Variants in BLTP3A observed in about 807,000 individuals in gnomAD.
BLTP3A encodes the protein ICBP90 binding protein 1.
chr6:34,855,132 C>A, the BLTP3A span, among the ~76,000 whole-genome samples: 49 of 152,166 alleles, frequency 3.2e-4, no homozygotes, highest in African/African-American at 1.0e-3. Context: ...GTACTTTGTA[C>A]GTATAGTATA....
chr6:34,852,615 A>G, the BLTP3A span, among the ~76,000 whole-genome samples: 1 of 145,500 alleles, frequency 6.9e-6, no homozygotes. Flanking sequence ...CCAGAGCTGC[A>G]AACTGTGCTG....
At chr6:34,837,263 C>G in the BLTP3A span, among the ~76,000 whole-genome samples, 1 of 152,126 alleles carries the variant, frequency 6.6e-6, no homozygotes. Context: ...ATTCACTGGC[C>G]AGGCACAGTG....
chr6:34,864,163 A>T, the BLTP3A span: 1 of 1,614,046 alleles, frequency 6.2e-7, no homozygotes, highest in Non-Finnish European at 8.5e-7. Context: ...GTGGACAGTG[A>T]TGGCAGTGAT....
chr6:34,828,643 A>G, the BLTP3A span, among the ~76,000 whole-genome samples: 1 of 152,076 alleles, frequency 6.6e-6, no homozygotes, highest in Non-Finnish European at 1.5e-5. Context: ...GCTGTTAAAC[A>G]TGGTTCAGCA....
chr6:34,868,459 A>C, the BLTP3A span, among the ~76,000 whole-genome samples: 1 of 151,944 alleles, frequency 6.6e-6, no homozygotes, highest in African/African-American at 2.4e-5. Flanking sequence ...GTGGTGGCTC[A>C]TGCCTGTAAT....
At chr6:34,807,871 C>G in the BLTP3A span, among the ~76,000 whole-genome samples, 1 of 152,024 alleles carries the variant, frequency 6.6e-6, no homozygotes, top group Non-Finnish European at 1.5e-5. Context: ...GAAACCCCAT[C>G]TCTACTAAAA....
chr6:34,803,233 T>TAA, the BLTP3A span, among the ~76,000 whole-genome samples: 5 of 143,170 alleles, frequency 3.5e-5, no homozygotes, highest in African/African-American at 1.0e-4. Context: ...ATTGTAAAGT[T>TAA]AAAAAAAAAA....
the BLTP3A span, chr6:34,871,057 G>A: frequency 6.2e-7 from 1 of 1,613,916 alleles, no homozygotes; most frequent in African/African-American, 1.3e-5. Flanking sequence ...GGAGGATGAG[G>A]AGATCCCGGT....
the BLTP3A span, among the ~76,000 whole-genome samples, chr6:34,812,260 T>C: frequency 6.8e-6 from 1 of 147,200 alleles, no homozygotes; most frequent in African/African-American, 2.5e-5. Flanking sequence ...ACCCAGGAGG[T>C]GGAGGTTGCA....
chr6:34,859,568 C>T, the BLTP3A span: 1 of 1,613,590 alleles, frequency 6.2e-7, no homozygotes, highest in Non-Finnish European at 8.5e-7. Context: ...CTGCCCCCAG[C>T]CAAGTAAGTG....
chr6:34,831,426 C>G, the BLTP3A span, among the ~76,000 whole-genome samples: 3 of 152,152 alleles, frequency 2.0e-5, no homozygotes, highest in Non-Finnish European at 4.4e-5. Context: ...CTGCGCCTGG[C>G]CCACCCTTAA....
At chr6:34,811,572 T>TA in the BLTP3A span, among the ~76,000 whole-genome samples, 2 of 151,540 alleles carry the variant, frequency 1.3e-5, no homozygotes, top group East Asian at 1.9e-4. Context: ...CAAAAGTGTT[T>TA]AAAAAAAGGC....
the BLTP3A span, among the ~76,000 whole-genome samples, chr6:34,823,589 C>T: frequency 6.8e-6 from 1 of 146,952 alleles, no homozygotes; most frequent in African/African-American, 2.5e-5. Context: ...GTCACCCAGG[C>T]TGGAGTGCAG....
At chr6:34,831,273 G>A in the BLTP3A span, among the ~76,000 whole-genome samples, 7 of 151,802 alleles carry the variant, frequency 4.6e-5, no homozygotes, top group African/African-American at 1.2e-4. Flanking sequence ...GATTACAGGC[G>A]CCTGCCACCA....
At chr6:34,870,375 T>C in the BLTP3A span, among the ~76,000 whole-genome samples, 1 of 152,366 alleles carries the variant, frequency 6.6e-6, no homozygotes, top group South Asian at 2.1e-4. Context: ...GTGTAAGTTG[T>C]TCCACAGGAT....
the BLTP3A span, among the ~76,000 whole-genome samples, chr6:34,853,263 A>C: frequency 2.0e-5 from 3 of 152,040 alleles, no homozygotes; most frequent in Admixed American, 6.6e-5. Context: ...CACTGCGGCA[A>C]ACTCTCAGGC....
chr6:34,831,449 T>G, the BLTP3A span, among the ~76,000 whole-genome samples: 2 of 152,156 alleles, frequency 1.3e-5, no homozygotes, highest in Admixed American at 6.6e-5. Flanking sequence ...TTTTTTAAAT[T>G]ATTGAACAGA....
chr6:34,794,110 A>G, the BLTP3A span, among the ~76,000 whole-genome samples: 4 of 151,944 alleles, frequency 2.6e-5, no homozygotes, highest in Non-Finnish European at 4.4e-5. Flanking sequence ...CAGTGAGCCA[A>G]GATTTCGCCA....
the BLTP3A span, among the ~76,000 whole-genome samples, chr6:34,814,533 G>A: frequency 7.2e-5 from 11 of 152,332 alleles, no homozygotes; most frequent in Non-Finnish European, 1.5e-4. Context: ...AGACGTGCAT[G>A]CACCATCAGC....
Sources: allele counts gnomAD v4.1 joint callset (sites outside exome capture counted in the v4.1 genomes callset), GRCh38; gene constraint gnomAD v4.1.1; transcripts MANE v1.5; gene names NCBI Gene and HGNC (gene_info 2026-07-23, HGNC 2026-07-21).